The following SPSB1 variants were observed in gnomAD, a reference collection of about 807,000 sequenced individuals.
The protein encoded by SPSB1 is SPRY domain-containing SOCS box protein 1.
A neutral mutation model predicts 21.2 loss-of-function variants in SPSB1; 8 were observed. The observed-to-expected ratio is 0.38, with a 90% CI of 0.22 to 0.68. SPSB1 has a LOEUF of 0.68. Ranked by LOEUF, SPSB1 falls within the 30% of genes least tolerant of loss-of-function variation. The probability of loss-of-function intolerance (pLI) is 0.53; values close to 1 mark genes in which losing one functional copy is unlikely to be tolerated. For missense variants in SPSB1, 242 were observed against 377.8 expected, an observed-to-expected ratio of 0.64 and a Z score of 2.98; for synonymous variants, 169 against 161.7, an observed-to-expected ratio of 1.05 and a Z score of -0.34.
intron 1 of SPSB1, among the ~76,000 whole-genome samples, chr1:9,307,281 G>A (rs1156629856): frequency 6.6e-6 from 1 of 152,182 alleles, no homozygotes; most frequent in Non-Finnish European, 1.5e-5. Context: ...CCATTTTAAA[G>A]TGAACAGATC....
rs142050992 is a variant in SPSB1 at position 9,345,313 on chromosome 1, G to C, written c.-149-10430G>C. Among the ~76,000 whole-genome samples, 18 of 152,288 alleles carry C rather than the reference G, an allele frequency of 1.2e-4. No individual in the cohort carries two copies. Among genetic ancestry groups the C allele is most frequent in the African/African-American group, 3.9e-4 (16 of 41,556 alleles). On this transcript the variant is annotated intron_variant, in intron 1 of 2. Transcript: ENST00000328089. The surrounding 1 kb of genome is among the most constrained non-coding windows in gnomAD (Gnocchi z 4.8). ...GTTGGTGGCTCTTTTCTTGGAGATG[G>C]CCGTGGGGCTGCTTTTGGGCCTGCC... is the stretch of plus-strand genomic sequence containing the variant.
intron 1 of SPSB1, among the ~76,000 whole-genome samples, chr1:9,331,325 T>TG (rs1639914977): frequency 7.3e-6 from 1 of 136,596 alleles, no homozygotes. Flanking sequence ...GCTCTTGTTT[T>TG]TTTTTTTTTT....
rs1209529169 is a variant in SPSB1, at chr1:9,359,849, G to GA, written c.694+3264_694+3265insA. ...GGAGCTTGGGCCAGGATGGAAGCCG[G>GA]GGGGGTGGGTGGCGGGGGCGGCCCG... On this transcript the variant is annotated intron_variant, in intron 2 of 2. Transcript: ENST00000328089. Among the ~76,000 whole-genome samples the GA allele has an allele frequency of 4.2e-4, 63 of 151,254 alleles. 1 individual carries two copies. The East Asian group carries it at 6.5e-3, about 15-fold the overall frequency.
chr1:9,329,113 G>A (rs1325725240), intron 1 of SPSB1, among the ~76,000 whole-genome samples: 2 of 152,164 alleles, frequency 1.3e-5, no homozygotes, highest in African/African-American at 4.8e-5. Flanking sequence ...ACAGGGTGGC[G>A]GGGACAGCCT....
intron 1 of SPSB1, chr1:9,351,433 C>T (rs1322119439): frequency 6.6e-6 from 1 of 152,244 alleles, no homozygotes; most frequent in Admixed American, 6.5e-5. Flanking sequence ...AACGCCAGCC[C>T]TCTCTGGAAC....
intron 1 of SPSB1, among the ~76,000 whole-genome samples, chr1:9,312,762 T>G (rs1300542434): frequency 2.0e-5 from 3 of 152,132 alleles, no homozygotes; most frequent in Admixed American, 1.3e-4. Context: ...ATTATTTGAT[T>G]TTTTCAACCT....
intron 1 of SPSB1, among the ~76,000 whole-genome samples, chr1:9,311,160 GT>G (rs34507567): frequency 0.54 from 72,427 of 133,532 alleles, 19,446 homozygotes; most frequent in Middle Eastern, 0.6. Context: ...AGGATAAAGG[GT>G]TTTTTTTTTT....
At chr1:9,333,108 T>A (rs1315816215) in intron 1 of SPSB1, among the ~76,000 whole-genome samples, 3 of 152,088 alleles carry the variant, frequency 2.0e-5, no homozygotes, top group African/African-American at 7.2e-5. Context: ...GCACACTCCA[T>A]GGGAAAATGG....
chr1:9,331,791 T>C (rs1458519032), intron 1 of SPSB1, among the ~76,000 whole-genome samples: 1 of 152,230 alleles, frequency 6.6e-6, no homozygotes, highest in Non-Finnish European at 1.5e-5. Context: ...ATTGACTCTG[T>C]AGCAATCTGG....
chr1:9,307,663 G>A (rs1215786494), intron 1 of SPSB1, among the ~76,000 whole-genome samples: 2 of 152,318 alleles, frequency 1.3e-5, no homozygotes, highest in African/African-American at 4.8e-5. Flanking sequence ...CTGGGAAATA[G>A]GAACACCTGT....
At chr1:9,309,543 T>G (rs1243401507) in intron 1 of SPSB1, among the ~76,000 whole-genome samples, 1 of 152,104 alleles carries the variant, frequency 6.6e-6, no homozygotes, top group Non-Finnish European at 1.5e-5. Flanking sequence ...CTCCCTTGCA[T>G]TTAAAACGTG....
chr1:9,333,195 C>A (rs566718503), intron 1 of SPSB1, among the ~76,000 whole-genome samples: 1 of 152,224 alleles, frequency 6.6e-6, no homozygotes. Context: ...GAGGGACCAG[C>A]ACAGCCATCT....
At chr1:9,354,684 G>T (rs2105224) in intron 1 of SPSB1, among the ~76,000 whole-genome samples, 14,824 of 152,008 alleles carry the variant, frequency 0.098, 970 homozygotes, top group East Asian at 0.26. Flanking sequence ...ATGGTGGTGG[G>T]TGCCTGTAAT....
intron 1 of SPSB1, among the ~76,000 whole-genome samples, chr1:9,331,151 C>T (rs1043393807): frequency 3.3e-5 from 5 of 149,684 alleles, no homozygotes; most frequent in Non-Finnish European, 7.4e-5. Flanking sequence ...TGTGGTTCTA[C>T]CTCGTCTTTT....
intron 1 of SPSB1, among the ~76,000 whole-genome samples, chr1:9,329,324 G>A (rs897189440): frequency 1.1e-4 from 16 of 152,104 alleles, no homozygotes; most frequent in Non-Finnish European, 2.4e-4. Flanking sequence ...ATGGGTGGAC[G>A]TGTGTGAGTG....
intron 1 of SPSB1, among the ~76,000 whole-genome samples, chr1:9,353,918 C>CAAA (rs35366582): frequency 7.1e-6 from 1 of 141,792 alleles, no homozygotes. Context: ...AACTCCATCT[C>CAAA]AAAAAAAAAA....
rs529215585 is a variant in SPSB1, at chr1:9,321,026, C to T, written c.-150+27955C>T. Among the ~76,000 whole-genome samples, 151 of 152,154 alleles carry T rather than the reference C, an allele frequency of 9.9e-4. No individual in the cohort carries two copies. Among genetic ancestry groups the T allele is most frequent in the Non-Finnish European group, 1.8e-3 (124 of 67,990 alleles). The stretch of plus-strand genomic sequence containing the variant: ...GGCCAAGGCAGTGGGAGTTGCTGTG[C>T]GGGGGATTCTGGCTGGAAAAGGCAG... On this transcript the variant is annotated intron_variant, in intron 1 of 2. Transcript: ENST00000328089. The surrounding 1 kb of genome is among the most constrained non-coding windows in gnomAD (Gnocchi z 4.8).
intron 1 of SPSB1, among the ~76,000 whole-genome samples, chr1:9,351,154 C>T (rs1640249049): frequency 6.6e-6 from 1 of 152,230 alleles, no homozygotes; most frequent in Non-Finnish European, 1.5e-5. Context: ...TTTATTGAAA[C>T]ACATTCATGC....
At chr1:9,301,066 G>T (rs1639320086) in intron 1 of SPSB1, among the ~76,000 whole-genome samples, 1 of 152,240 alleles carries the variant, frequency 6.6e-6, no homozygotes, top group Admixed American at 6.5e-5. Context: ...ACCTGGTTGT[G>T]CACCTTGCTT....
Sources: gnomAD v4.1 joint callset for allele counts (sites outside exome capture counted in the v4.1 genomes callset) on GRCh38, gnomAD v4.1.1 for gene constraint, Gnocchi (gnomAD v3.1) non-coding constraint, MANE v1.5 for transcripts, NCBI Gene and HGNC (gene_info 2026-07-23, HGNC 2026-07-21) for gene names.